The following ANKRD30B variants were observed in gnomAD, a reference collection of about 807,000 sequenced individuals.
ANKRD30B encodes the protein ankyrin repeat domain 30B, also known as ankyrin repeat domain-containing protein 30B.
Under a neutral mutation model 202.2 loss-of-function variants are expected in ANKRD30B, and 144 were observed. That is an observed-to-expected ratio of 0.71 (90% confidence interval 0.62 to 0.82). The LOEUF is 0.82. Among genes scored for constraint, ANKRD30B ranks in the 40% least tolerant of loss-of-function variants. The pLI, the probability that ANKRD30B is intolerant of heterozygous loss-of-function variation, is 0.00. For synonymous variants in ANKRD30B, 508 were observed against 561.3 expected (o/e 0.91, Z 1.34); for missense variants, 1,487 against 1,669.1 (o/e 0.89, Z 1.90).
chr18:14,773,332 T>C (rs1046953081), intron 9 of ANKRD30B, among the ~76,000 whole-genome samples: 1 of 146,772 alleles, frequency 6.8e-6, no homozygotes, highest in Non-Finnish European at 1.5e-5. Context: ...CATCCTAGTG[T>C]ACCCAGAATA....
chr18:14,864,037 A>G, the ANKRD30B span, among the ~76,000 whole-genome samples: 2 of 152,244 alleles, frequency 1.3e-5, no homozygotes, highest in East Asian at 1.9e-4. Flanking sequence ...GCAGAAAAAA[A>G]TATTCAATAA....
At chr18:14,776,374 G>A (rs1261997651) in intron 9 of ANKRD30B, among the ~76,000 whole-genome samples, 3 of 152,156 alleles carry the variant, frequency 2.0e-5, no homozygotes, top group Admixed American at 6.5e-5. Flanking sequence ...GAGAAAATTG[G>A]AGAACTTTAT....
At chr18:14,889,384 A>G in the ANKRD30B span, among the ~76,000 whole-genome samples, 1 of 152,290 alleles carries the variant, frequency 6.6e-6, no homozygotes, top group South Asian at 2.1e-4. Flanking sequence ...TCATCCATGC[A>G]ACCATTTGTT....
chr18:14,865,581 T>A, the ANKRD30B span, among the ~76,000 whole-genome samples: 2 of 150,682 alleles, frequency 1.3e-5, no homozygotes, highest in African/African-American at 4.9e-5. Flanking sequence ...TCCCTCCTGT[T>A]CACCACCCTG....
the ANKRD30B span, among the ~76,000 whole-genome samples, chr18:14,876,319 C>T: frequency 1.3e-5 from 2 of 152,314 alleles, no homozygotes; most frequent in South Asian, 4.1e-4. Flanking sequence ...CTCTAAGATT[C>T]ATCCTTGTTG....
chr18:14,911,426 T>C, the ANKRD30B span, among the ~76,000 whole-genome samples: 1 of 152,120 alleles, frequency 6.6e-6, no homozygotes, highest in Non-Finnish European at 1.5e-5. Context: ...TCAAAGATAA[T>C]TTGATTGTAT....
In ANKRD30B at chr18:14,853,856, G is replaced by A. The variant is rs1447112798; in HGVS notation, c.4524G>A (p.Gln1508=). 6.6e-6 allele frequency among the ~76,000 whole-genome samples: 1 copy of A among 152,152 alleles called. No individual in the cohort carries two copies. The highest frequency in any genetic ancestry group is 1.5e-5 in the Non-Finnish European group (1 of 68,026). The part of the protein sequence containing the change: ...LQKKLADLNK[Q]CEASLKVTSH... ...AAAAATTGGCGGATCTTAATAAACA[G>A]TGTGAGGCTTCACTAAAGGTTACAT... The change falls in exon 43 of 44, where the codon CAG becomes CAA. Residue 1508 remains glutamine (Q), a synonymous_variant. Transcript: ENST00000690538.
chr18:14,816,190 GC>G (rs1197032001), intron 30 of ANKRD30B: 1 of 152,130 alleles, frequency 6.6e-6, no homozygotes, highest in African/African-American at 2.4e-5. Flanking sequence ...GTCACGATTT[GC>G]TCCTCTGATT....
the ANKRD30B span, among the ~76,000 whole-genome samples, chr18:14,877,182 A>G: frequency 6.6e-6 from 1 of 152,260 alleles, no homozygotes; most frequent in Non-Finnish European, 1.5e-5. Flanking sequence ...AGAAGTTGGA[A>G]TCTGATTTGA....
the ANKRD30B span, among the ~76,000 whole-genome samples, chr18:14,866,356 T>G: frequency 6.6e-6 from 1 of 151,296 alleles, no homozygotes; most frequent in Admixed American, 6.6e-5. Context: ...GGTAGGAGGG[T>G]GGCCTGAGTG....
chr18:14,860,218 C>G, the ANKRD30B span, among the ~76,000 whole-genome samples: 1 of 146,338 alleles, frequency 6.8e-6, no homozygotes, highest in Non-Finnish European at 1.5e-5. Flanking sequence ...GAAAGGTGCT[C>G]CTCACTTCCC....
the ANKRD30B span, among the ~76,000 whole-genome samples, chr18:14,892,564 C>A: frequency 1.3e-5 from 2 of 151,808 alleles, no homozygotes; most frequent in East Asian, 1.9e-4. Flanking sequence ...CATGGCGAAA[C>A]CCCGTTTCTA....
intron 7 of ANKRD30B, among the ~76,000 whole-genome samples, chr18:14,765,312 A>G (rs1406316136): frequency 6.6e-6 from 1 of 152,076 alleles, no homozygotes; most frequent in African/African-American, 2.4e-5. Context: ...AAAATATGCA[A>G]AATAGCCAGG....
intron 34 of ANKRD30B, among the ~76,000 whole-genome samples, chr18:14,832,584 A>G (rs776030059): frequency 4.9e-4 from 75 of 152,236 alleles, no homozygotes; most frequent in Non-Finnish European, 9.7e-4. Context: ...TAGTGTACCC[A>G]GAATACAGTC....
the ANKRD30B span, among the ~76,000 whole-genome samples, chr18:14,861,070 G>T: frequency 6.6e-6 from 1 of 152,126 alleles, no homozygotes; most frequent in Non-Finnish European, 1.5e-5. Flanking sequence ...TTCCAGACAA[G>T]AAAATGCTAA....
chr18:14,860,709 A>AT, the ANKRD30B span, among the ~76,000 whole-genome samples: 20 of 149,352 alleles, frequency 1.3e-4, no homozygotes, highest in Non-Finnish European at 1.6e-4. Flanking sequence ...CCATCCAATA[A>AT]TTTTTTTTTT....
At chr18:14,752,458 T>A in intron 1 of ANKRD30B, 108 bp from the exon 2 acceptor site, 1 of 745,600 alleles carries the variant, frequency 1.3e-6, no homozygotes, top group Non-Finnish European at 2.1e-6. Context: ...AATATTTGTT[T>A]TGAAGGTAGA....
At chr18:14,772,556 G>A (rs1967071159) in intron 9 of ANKRD30B, among the ~76,000 whole-genome samples, 1 of 152,004 alleles carries the variant, frequency 6.6e-6, no homozygotes. Context: ...ATTTGGATAA[G>A]TAAACTTACT....
At chr18:14,749,247 A>G (rs1032226075) in intron 1 of ANKRD30B, among the ~76,000 whole-genome samples, 1 of 152,214 alleles carries the variant, frequency 6.6e-6, no homozygotes, top group Non-Finnish European at 1.5e-5. Flanking sequence ...TTTTACATAA[A>G]CCAAATAAAG....
Sources: gnomAD v4.1 joint callset for allele counts (sites outside exome capture counted in the v4.1 genomes callset) on GRCh38, gnomAD v4.1.1 for gene constraint, MANE v1.5 for transcripts, NCBI Gene and HGNC (gene_info 2026-07-23, HGNC 2026-07-21) for gene names.